Variants in ACKR3 observed in about 807,000 individuals in gnomAD.
The protein encoded by ACKR3 is atypical chemokine receptor 3.
ACKR3 carries 6 observed loss-of-function variants against 22.4 expected under a neutral mutation model. That is an observed-to-expected ratio of 0.27 (90% CI 0.15 to 0.53). The LOEUF (loss-of-function observed/expected upper bound fraction) is 0.53. ACKR3 is among the 20% of genes least tolerant of loss of function. The pLI is 0.96. For synonymous variants in ACKR3, 209 were observed against 205.2 expected, an observed-to-expected ratio of 1.02 and a Z score of -0.16; for missense variants, 396 against 475.2, an observed-to-expected ratio of 0.83 and a Z score of 1.55.
chr2:236,567,235 G>C (rs190265282), upstream of ACKR3, among the ~76,000 whole-genome samples: 462 of 152,260 alleles, frequency 3.0e-3, 3 homozygotes, highest in African/African-American at 0.01. Context: ...TCCCGACCTC[G>C]CGATCCGCCC....
At chr2:236,551,644 T>C in the ACKR3 span, among the ~76,000 whole-genome samples, 1,086 of 152,334 alleles carry the variant, frequency 7.1e-3, 7 homozygotes, top group Non-Finnish European at 0.012. Flanking sequence ...TCTGGTCTAG[T>C]AGAACAATGG....
chr2:236,547,493 T>A, the ACKR3 span, among the ~76,000 whole-genome samples: 880 of 151,786 alleles, frequency 5.8e-3, 2 homozygotes, highest in Non-Finnish European at 9.9e-3. Flanking sequence ...TCACGTTTCC[T>A]TCTTGCATAT....
chr2:236,537,382 T>G, the ACKR3 span, among the ~76,000 whole-genome samples: 2 of 152,306 alleles, frequency 1.3e-5, no homozygotes, highest in African/African-American at 4.8e-5. Context: ...ACAAGGATTG[T>G]TACCAGGGCT....
At chr2:236,566,718 CCCTTCCTTCCTT>C (rs747184505), upstream of ACKR3, among the ~76,000 whole-genome samples, 91 of 114,566 alleles carry the variant, frequency 7.9e-4, 1 homozygote, top group East Asian at 1.8e-3. Flanking sequence ...TCCTTTCCTT[CCCTTCCTTCCTT>C]CCTTCCTTCC....
chr2:236,570,372 C>T (rs1255336834), intron 1 of ACKR3, among the ~76,000 whole-genome samples: 2 of 152,202 alleles, frequency 1.3e-5, no homozygotes, highest in Non-Finnish European at 2.9e-5. Context: ...GCAGTAAATA[C>T]GTAATTCCAG....
the ACKR3 span, among the ~76,000 whole-genome samples, chr2:236,556,526 G>A: frequency 2.6e-5 from 4 of 152,110 alleles, no homozygotes; most frequent in African/African-American, 4.8e-5. Context: ...AGGTTGGAGC[G>A]ATTCGAGGAG....
the ACKR3 span, among the ~76,000 whole-genome samples, chr2:236,543,477 A>C: frequency 4.6e-5 from 7 of 152,194 alleles, no homozygotes; most frequent in Non-Finnish European, 1.0e-4. Context: ...CCACACTGAG[A>C]GTATAGAAAA....
In ACKR3 at chr2:236,574,519, G is replaced by A. The variant is rs542784001; in HGVS notation, c.-27+4595G>A. ...AAGGGCAGAGGGCATCAGTTGGGAA[G>A]AGTCTGTGGTTGGAGACTGCAAACA... is the stretch of plus-strand genomic sequence containing the variant. On this transcript the variant is annotated intron_variant, in intron 1 of 1. Coordinates refer to ENST00000272928, the MANE Select transcript of ACKR3 (RefSeq NM_020311.3). The surrounding 1 kb of genome is among the most constrained non-coding windows in gnomAD (Gnocchi z 5.6). Among the ~76,000 whole-genome samples, 20 of 152,276 alleles carry A rather than the reference G, an allele frequency of 1.3e-4. No individual in the cohort carries two copies. The highest frequency in any genetic ancestry group is 7.2e-4 in the Admixed American group (11 of 15,298).
the ACKR3 span, among the ~76,000 whole-genome samples, chr2:236,546,441 T>A: frequency 6.6e-6 from 1 of 152,222 alleles, no homozygotes; most frequent in African/African-American, 2.4e-5. This position sits in a 1 kb window ranked among gnomAD's most constrained non-coding sequence, Gnocchi z 4.9. Flanking sequence ...TTTTCCACTA[T>A]AAATTTAATA....
At chr2:236,560,445 T>C in the ACKR3 span, among the ~76,000 whole-genome samples, 1 of 152,174 alleles carries the variant, frequency 6.6e-6, no homozygotes, top group African/African-American at 2.4e-5. Context: ...ATGATCTTTT[T>C]TCATATGCTG....
At chr2:236,563,089 T>G (rs1237598466), upstream of ACKR3, among the ~76,000 whole-genome samples, 1 of 152,246 alleles carries the variant, frequency 6.6e-6, no homozygotes. Flanking sequence ...TTCATATGTG[T>G]ATCTGCATAT....
chr2:236,555,198 G>T, the ACKR3 span, among the ~76,000 whole-genome samples: 1 of 152,198 alleles, frequency 6.6e-6, no homozygotes, highest in Non-Finnish European at 1.5e-5. Flanking sequence ...CCGTTTTTCT[G>T]CTGTGCTTTT....
At chr2:236,554,588 C>A in the ACKR3 span, among the ~76,000 whole-genome samples, 4 of 152,130 alleles carry the variant, frequency 2.6e-5, no homozygotes, top group Admixed American at 2.6e-4. Context: ...TCCCTGGGTG[C>A]CAGAAACCTG....
At chr2:236,546,072 G>A in the ACKR3 span, among the ~76,000 whole-genome samples, 1 of 152,182 alleles carries the variant, frequency 6.6e-6, no homozygotes, top group African/African-American at 2.4e-5. The surrounding 1 kb of genome is among the most constrained non-coding windows in gnomAD (Gnocchi z 4.9). Context: ...ACAGGACCAC[G>A]TTTTGTGAGT....
At chr2:236,578,788 C>T (rs767069064) in intron 1 of ACKR3, among the ~76,000 whole-genome samples, 1 of 152,190 alleles carries the variant, frequency 6.6e-6, no homozygotes, top group Non-Finnish European at 1.5e-5. Flanking sequence ...TGTGCGAGCT[C>T]CCCCGGGGGC....
At chr2:236,576,908 T>G (rs1691423206) in intron 1 of ACKR3, among the ~76,000 whole-genome samples, 1 of 152,230 alleles carries the variant, frequency 6.6e-6, no homozygotes, top group South Asian at 2.1e-4. Context: ...TTAGCTCCCA[T>G]TTGAATTTGC....
At chr2:236,541,090 C>A in the ACKR3 span, among the ~76,000 whole-genome samples, 1 of 152,138 alleles carries the variant, frequency 6.6e-6, no homozygotes, top group South Asian at 2.1e-4. Flanking sequence ...TATAAAAAAG[C>A]ATTGACTGGC....
chr2:236,573,904 G>A (rs536850802), intron 1 of ACKR3, among the ~76,000 whole-genome samples: 34 of 152,346 alleles, frequency 2.2e-4, no homozygotes, highest in Non-Finnish European at 4.3e-4. Context: ...TCTTCGTGGA[G>A]AGTCCTTGCC....
upstream of ACKR3, among the ~76,000 whole-genome samples, chr2:236,568,489 G>T (rs1691236133): frequency 6.6e-6 from 1 of 152,186 alleles, no homozygotes; most frequent in Non-Finnish European, 1.5e-5. Context: ...CCTTGGTGCC[G>T]ATGTGACACG....
Sources: gnomAD v4.1 joint callset for allele counts (sites outside exome capture counted in the v4.1 genomes callset) on GRCh38, gnomAD v4.1.1 for gene constraint, Gnocchi (gnomAD v3.1) non-coding constraint, MANE v1.5 for transcripts, NCBI Gene and HGNC (gene_info 2026-07-23, HGNC 2026-07-21) for gene names.